FBXW4: variants seen among roughly 807,000 people sequenced by gnomAD.
FBXW4 encodes the protein F-box and WD repeat domain containing 4.
In FBXW4, 40 loss-of-function variants were observed where a neutral mutation model predicts 61.8. That is an observed-to-expected ratio of 0.65 (90% CI 0.50 to 0.84). The LOEUF is 0.84. Among genes scored for constraint, FBXW4 ranks in the 40% least tolerant of loss-of-function variants. The pLI is 0.00. For missense variants in FBXW4, 672 were observed against 753.8 expected, an observed-to-expected ratio of 0.89 and a Z score of 1.27; for synonymous variants, 311 against 313.8, an observed-to-expected ratio of 0.99 and a Z score of 0.10.
chr10:101,624,691 A>T (rs530352163), intron 6 of FBXW4, 54 bp downstream of exon 6: 1 of 1,598,788 alleles, frequency 6.3e-7, no homozygotes, highest in African/African-American at 1.3e-5. Flanking sequence ...TGGCTCAGCA[A>T]GCTTTCCCTC....
chr10:101,631,399 T>C (rs529320583), intron 5 of FBXW4, among the ~76,000 whole-genome samples: 1 of 152,152 alleles, frequency 6.6e-6, no homozygotes, highest in South Asian at 2.1e-4. Context: ...AGACTTATGA[T>C]ATACTATTAT....
Position 101,676,338 on chromosome 10 carries a change from T to C in FBXW4, c.821+3A>G. On this transcript the variant is annotated splice_donor_region_variant and intron_variant, in intron 2 of 8. Transcript: ENST00000331272. ...GCTTTTAAAAAGTCAAGAGGCTACTTGCCTGCATCTCCACTTCAGCAGAAT... is the reference window on the plus strand; with the variant it reads ...GCTTTTAAAAAGTCAAGAGGCTACTCGCCTGCATCTCCACTTCAGCAGAAT... 3 of 1,612,670 alleles carry C rather than the reference T, an allele frequency of 1.9e-6. No individual in the cohort carries two copies. Among genetic ancestry groups the C allele is most frequent in the African/African-American group, 1.3e-5 (1 of 74,974 alleles).
chr10:101,662,205 A>C (rs1190645900), intron 5 of FBXW4, among the ~76,000 whole-genome samples: 1 of 152,228 alleles, frequency 6.6e-6, no homozygotes, highest in Non-Finnish European at 1.5e-5. Flanking sequence ...CTGAATATGC[A>C]TCTACCACAC....
At chr10:101,691,854 C>A (rs2064607340) in intron 1 of FBXW4, among the ~76,000 whole-genome samples, 1 of 152,132 alleles carries the variant, frequency 6.6e-6, no homozygotes, top group Non-Finnish European at 1.5e-5. Context: ...CCCAAGGAAC[C>A]ATTATCATGA....
intron 5 of FBXW4, chr10:101,628,027 G>A (rs554800453): frequency 1.6e-5 from 16 of 976,168 alleles, no homozygotes; most frequent in East Asian, 1.1e-4. Context: ...CCAGATTCTC[G>A]TCACATCCCT....
chr10:101,637,950 A>C (rs1187435193), intron 5 of FBXW4, among the ~76,000 whole-genome samples: 1 of 152,128 alleles, frequency 6.6e-6, no homozygotes, highest in Non-Finnish European at 1.5e-5. Flanking sequence ...TTTTTCAAAA[A>C]ACGGATATTA....
At chr10:101,673,189 C>T in intron 3 of FBXW4, 142 bp from the exon 4 acceptor site, 1 of 1,023,640 alleles carries the variant, frequency 9.8e-7, no homozygotes, top group Non-Finnish European at 1.4e-6. Flanking sequence ...AAGGTGCTGA[C>T]TTTCTAGATA....
intron 5 of FBXW4, among the ~76,000 whole-genome samples, chr10:101,648,640 T>C (rs907277473): frequency 6.6e-6 from 1 of 152,278 alleles, no homozygotes; most frequent in Admixed American, 6.5e-5. Flanking sequence ...CCAGGCCCAA[T>C]TAAGGCCACA....
intron 1 of FBXW4, 35 bp from the exon 2 acceptor site, chr10:101,676,471 C>T (rs774229163): frequency 6.4e-7 from 1 of 1,550,776 alleles, no homozygotes; most frequent in Admixed American, 1.7e-5. Context: ...CCAATCACTA[C>T]AACTTATTGC....
At chr10:101,650,194 A>G (rs1054325016) in intron 5 of FBXW4, among the ~76,000 whole-genome samples, 3 of 152,144 alleles carry the variant, frequency 2.0e-5, no homozygotes, top group Non-Finnish European at 1.5e-5. Context: ...TGGTGGCTCT[A>G]CCTGTGACCA....
chr10:101,639,168 C>A (rs1345827255), intron 5 of FBXW4, among the ~76,000 whole-genome samples: 4 of 152,188 alleles, frequency 2.6e-5, no homozygotes, highest in Non-Finnish European at 5.9e-5. Context: ...CTGTGCCATC[C>A]CAGGACTTGG....
chr10:101,663,449 G>T (rs2064264711), intron 5 of FBXW4, among the ~76,000 whole-genome samples: 1 of 152,194 alleles, frequency 6.6e-6, no homozygotes, highest in Non-Finnish European at 1.5e-5. Flanking sequence ...ACTGTATTCA[G>T]CTGGAAATAA....
chr10:101,613,353 C>CA lies in FBXW4; in HGVS notation c.1302-877dup, dbSNP rs2063803149. Among the ~76,000 whole-genome samples the CA allele has an allele frequency of 2.6e-5, 4 of 152,190 alleles. No individual in the cohort carries two copies. The South Asian group carries it at 8.3e-4, about 32-fold the overall frequency. On this transcript the variant is annotated intron_variant, in intron 6 of 8. Transcript: ENST00000331272. ...AATCCCTGCAGCCAGGGGATGGGTG[C>CA]AAGTATGGAGTTTCCACAGAATGAC...
At chr10:101,615,360 T>G (rs1323935795) in intron 6 of FBXW4, among the ~76,000 whole-genome samples, 2 of 151,956 alleles carry the variant, frequency 1.3e-5, no homozygotes, top group Non-Finnish European at 2.9e-5. Context: ...CAGGATCCAC[T>G]AAGGGCTGGG....
At chr10:101,672,624 G>C (rs867296482) in intron 4 of FBXW4, among the ~76,000 whole-genome samples, 1 of 152,118 alleles carries the variant, frequency 6.6e-6, no homozygotes, top group African/African-American at 2.4e-5. Context: ...TTGAGGAAAC[G>C]CAACTCAGGG....
chr10:101,680,413 C>G (rs1296826210), intron 1 of FBXW4, among the ~76,000 whole-genome samples: 1 of 152,002 alleles, frequency 6.6e-6, no homozygotes, highest in Admixed American at 6.6e-5. Context: ...TTAAAAGCAA[C>G]AGAGTAGGGG....
At chr10:101,638,500 A>AG (rs1487214277) in intron 5 of FBXW4, among the ~76,000 whole-genome samples, 1 of 152,106 alleles carries the variant, frequency 6.6e-6, no homozygotes, top group Non-Finnish European at 1.5e-5. Flanking sequence ...AAAAAAAAAA[A>AG]AAAAGAGTAG....
intron 5 of FBXW4, among the ~76,000 whole-genome samples, chr10:101,636,887 C>T (rs999179329): frequency 6.6e-6 from 1 of 151,968 alleles, no homozygotes; most frequent in Non-Finnish European, 1.5e-5. Flanking sequence ...CTGCACCCAG[C>T]CCAGGATTAC....
At chr10:101,627,874 G>T in intron 5 of FBXW4, 2 of 794,844 alleles carry the variant, frequency 2.5e-6, no homozygotes, top group Non-Finnish European at 3.0e-6. Context: ...GGGATAAAGT[G>T]CTTTGAAAAG....
Sources: allele counts gnomAD v4.1 joint callset (sites outside exome capture counted in the v4.1 genomes callset), GRCh38; gene constraint gnomAD v4.1.1; transcripts MANE v1.5; gene names NCBI Gene and HGNC (gene_info 2026-07-23, HGNC 2026-07-21).